WDR72: variants seen among roughly 807,000 people sequenced by gnomAD.
WDR72 encodes the protein WD repeat-containing protein 72.
In WDR72, 120 loss-of-function variants were observed where a neutral mutation model predicts 124.2. The ratio of observed to expected loss-of-function variants is 0.97; its 90% CI spans 0.83 to 1.12. The LOEUF is 1.12. Ranked by LOEUF, WDR72 falls within the 50% of genes most tolerant of loss-of-function variation. The pLI, the probability that WDR72 is intolerant of heterozygous loss-of-function variation, is 0.00. For missense variants in WDR72, 1,387 were observed against 1,278.8 expected (o/e 1.08, Z -1.29); for synonymous variants, 452 against 441.7 (o/e 1.02, Z -0.29).
At chr15:53,729,634 C>CA (rs1258641390) in intron 2 of WDR72, among the ~76,000 whole-genome samples, 1 of 152,100 alleles carries the variant, frequency 6.6e-6, no homozygotes, top group Non-Finnish European at 1.5e-5. Flanking sequence ...TCCCTTAAGG[C>CA]AAAATGCTCA....
chr15:53,596,525 A>G (rs1393173373), intron 18 of WDR72, among the ~76,000 whole-genome samples: 1 of 152,164 alleles, frequency 6.6e-6, no homozygotes, highest in African/African-American at 2.4e-5. Flanking sequence ...AAACTGGTAC[A>G]TGACTTTTAT....
intron 13 of WDR72, among the ~76,000 whole-genome samples, chr15:53,691,841 T>G (rs185786596): frequency 9.3e-4 from 141 of 152,372 alleles, no homozygotes; most frequent in African/African-American, 3.3e-3. Flanking sequence ...AAAATCTTCT[T>G]TCTTTGAACA....
rs978035185 is a variant in WDR72 at position 53,517,678 on chromosome 15, C to T, written c.*21G>A. On this transcript the variant is annotated 3_prime_UTR_variant, in exon 20 of 20. Transcript: ENST00000360509. ...GATTTCTTAATTTGTCCAAATTCAG[C>T]TCCTACTGATGAGATTCCATTTAAG... The T allele has an allele frequency of 3.7e-6, 6 of 1,611,904 alleles. No homozygotes were observed. The highest frequency in any genetic ancestry group is 2.2e-5 in the South Asian group (2 of 91,054).
intron 18 of WDR72, among the ~76,000 whole-genome samples, chr15:53,586,419 A>G (rs917027386): frequency 6.6e-6 from 1 of 152,094 alleles, no homozygotes; most frequent in Non-Finnish European, 1.5e-5. Flanking sequence ...AATCACCATC[A>G]TAAGTAGATT....
At position 53,715,181 on chromosome 15, in the gene WDR72, T is replaced by C. The variant is rs893638281; in HGVS notation, c.514+12A>G. On this transcript the variant is annotated intron_variant, in intron 5 of 19. Transcript: ENST00000360509. ...GCAATCTCTCTACTGTCAGATAATA[T>C]CCAACTATTACCTTGAATTCTCATG... 2.5e-6 allele frequency: 4 copies of C among 1,613,364 alleles called. No homozygotes were observed. The highest frequency in any genetic ancestry group is 3.4e-6 in the Non-Finnish European group (4 of 1,179,548).
chr15:53,653,176 T>C (rs1182551560), intron 14 of WDR72, among the ~76,000 whole-genome samples: 1 of 152,244 alleles, frequency 6.6e-6, no homozygotes, highest in African/African-American at 2.4e-5. Context: ...TTACCATCTA[T>C]TCTTCATGTT....
intron 18 of WDR72, among the ~76,000 whole-genome samples, chr15:53,541,314 T>G (rs1053250364): frequency 1.9e-4 from 29 of 152,204 alleles, no homozygotes; most frequent in African/African-American, 5.3e-4. Context: ...GCAGACTGCC[T>G]CCTCAAGTGG....
At chr15:53,648,677 T>C (rs1209585287) in intron 14 of WDR72, among the ~76,000 whole-genome samples, 2 of 152,092 alleles carry the variant, frequency 1.3e-5, no homozygotes, top group Non-Finnish European at 2.9e-5. Context: ...TATATTTGTG[T>C]GGCCACCAGA....
At chr15:53,759,552 G>T (rs2019013365) in intron 1 of WDR72, 81 bp downstream of exon 1, 1 of 152,398 alleles carries the variant, frequency 6.6e-6, no homozygotes, top group Non-Finnish European at 1.5e-5. Flanking sequence ...AAGGCGTGCG[G>T]CTGCACCAGC....
intron 14 of WDR72, among the ~76,000 whole-genome samples, chr15:53,617,571 A>C (rs956541949): frequency 6.6e-6 from 1 of 151,784 alleles, no homozygotes; most frequent in African/African-American, 2.4e-5. Context: ...ATAAGGGTTA[A>C]TATAATTATT....
intron 19 of WDR72, among the ~76,000 whole-genome samples, chr15:53,520,000 T>C (rs1053280767): frequency 2.0e-5 from 3 of 152,118 alleles, no homozygotes; most frequent in African/African-American, 7.2e-5. Flanking sequence ...AACTTGGCTT[T>C]GTTAATGACA....
chr15:53,557,839 T>C (rs1893986562), intron 18 of WDR72, among the ~76,000 whole-genome samples: 1 of 152,106 alleles, frequency 6.6e-6, no homozygotes. Context: ...TTATTATTAC[T>C]AGGTTTTAGA....
intron 18 of WDR72, among the ~76,000 whole-genome samples, chr15:53,549,293 G>A (rs1367626154): frequency 6.6e-6 from 1 of 152,132 alleles, no homozygotes; most frequent in Non-Finnish European, 1.5e-5. Flanking sequence ...CTGATACACA[G>A]TTCTTTTGGA....
At chr15:53,576,476 GAC>G (rs1422173614) in intron 18 of WDR72, among the ~76,000 whole-genome samples, 1 of 152,164 alleles carries the variant, frequency 6.6e-6, no homozygotes, top group African/African-American at 2.4e-5. Context: ...TAAAGCAAAT[GAC>G]ACATCTTATT....
chr15:53,657,786 T>A (rs1351787682), intron 14 of WDR72, among the ~76,000 whole-genome samples: 1 of 152,168 alleles, frequency 6.6e-6, no homozygotes, highest in Non-Finnish European at 1.5e-5. Flanking sequence ...AGAACCAACC[T>A]TTTCTCTGGT....
At chr15:53,539,760 A>G (rs1384349514) in intron 18 of WDR72, among the ~76,000 whole-genome samples, 3 of 152,134 alleles carry the variant, frequency 2.0e-5, no homozygotes, top group Non-Finnish European at 4.4e-5. Flanking sequence ...GAACATATAT[A>G]GTTTCATATA....
At chr15:53,561,051 C>G (rs547713736) in intron 18 of WDR72, among the ~76,000 whole-genome samples, 19 of 151,718 alleles carry the variant, frequency 1.3e-4, no homozygotes, top group African/African-American at 4.6e-4. Flanking sequence ...CAGTTCTACT[C>G]TTTTATTGGC....
chr15:53,673,469 A>G (rs2140464835), intron 13 of WDR72, among the ~76,000 whole-genome samples: 1 of 152,352 alleles, frequency 6.6e-6, no homozygotes, highest in South Asian at 2.1e-4. Flanking sequence ...ACATAAATAC[A>G]TTTGAGACTA....
At chr15:53,611,680 G>A (rs79227839) in intron 16 of WDR72, among the ~76,000 whole-genome samples, 2,308 of 152,098 alleles carry the variant, frequency 0.015, 62 homozygotes, top group African/African-American at 0.053. Context: ...GGATTGGAAT[G>A]CAGGCCCCTC....
Sources: allele counts gnomAD v4.1 joint callset (sites outside exome capture counted in the v4.1 genomes callset), GRCh38; gene constraint gnomAD v4.1.1; transcripts MANE v1.5; gene names NCBI Gene and HGNC (gene_info 2026-07-23, HGNC 2026-07-21).